SSTR3: variants seen among roughly 807,000 people sequenced by gnomAD.
The protein encoded by SSTR3 is somatostatin receptor 3.
For missense variants in SSTR3, 504 were observed against 604.7 expected, an observed-to-expected ratio of 0.83 and a Z score of 1.75; for synonymous variants, 281 against 269.2, an observed-to-expected ratio of 1.04 and a Z score of -0.43.
chr22:37,212,804 G>A (rs1243550661), upstream of SSTR3, among the ~76,000 whole-genome samples: 1 of 152,172 alleles, frequency 6.6e-6, no homozygotes, highest in African/African-American at 2.4e-5. Flanking sequence ...CAGCCCTGCA[G>A]TCGGGCACAC....
chr22:37,207,123 C>T lies in SSTR3; in HGVS notation c.681G>A (p.Leu227=). ...GPLLVICLCY[L]LIVVKVRSAG... ...CTGAGCGCACCTTCACCACGATGAG[C>T]AGGTAGCAGAGGCAGATGACCAGCA... is the stretch of plus-strand genomic sequence containing the variant. The change falls in exon 2 of 2, where the codon CTG becomes CTA. Residue 227 remains leucine (L), a synonymous_variant. Coordinates refer to ENST00000610913, the MANE Select transcript of SSTR3 (RefSeq NM_001051.5). 1 of 1,612,642 alleles carries T rather than the reference C, an allele frequency of 6.2e-7. No individual in the cohort carries two copies. Among genetic ancestry groups the T allele is most frequent in the East Asian group, 2.2e-5 (1 of 44,872 alleles).
At chr22:37,216,537 C>T (rs1926453962), upstream of SSTR3, among the ~76,000 whole-genome samples, 1 of 152,224 alleles carries the variant, frequency 6.6e-6, no homozygotes, top group South Asian at 2.1e-4. Context: ...TCCACACGTT[C>T]CTATAGCTTC....
At position 37,207,567 on chromosome 22, in the gene SSTR3, G is replaced by A. The variant is rs751200469; in HGVS notation, c.237C>T (p.Thr79=). The change falls in exon 2 of 2, where the codon ACC becomes ACT. Residue 79 remains threonine (T), a synonymous_variant. Transcript: ENST00000610913. ...GCGCCAGGTTGAGGATGTAGACGTT[G>A]GTGACTGAAGGGCTGGCCGTGTGCC... is the stretch of plus-strand genomic sequence containing the variant. ...VLRHTASPSV[T]NVYILNLALA... 6.2e-7 allele frequency: 1 copy of A among 1,613,656 alleles called. No individual in the cohort carries two copies. Among genetic ancestry groups the A allele is most frequent in the Non-Finnish European group, 8.5e-7 (1 of 1,179,894 alleles).
rs760578292 is a variant in SSTR3 at position 37,207,135 on chromosome 22, G to A, written c.669C>T (p.Cys223=). 7.4e-6 allele frequency: 12 copies of A among 1,612,622 alleles called. No homozygotes were observed. Among genetic ancestry groups the A allele is most frequent in the African/African-American group, 2.7e-5 (2 of 75,046 alleles). The stretch of plus-strand genomic sequence containing the variant: ...TCACCACGATGAGCAGGTAGCAGAG[G>A]CAGATGACCAGCAGCGGCCCGAAGA... ...LGFFGPLLVI[C]LCYLLIVVKV... Residue 223 remains cysteine (C), a synonymous_variant, in exon 2 of 2, where the codon TGC becomes TGT. Transcript: ENST00000610913.
At chr22:37,219,463 C>T in the SSTR3 span, among the ~76,000 whole-genome samples, 2 of 152,150 alleles carry the variant, frequency 1.3e-5, no homozygotes, top group Admixed American at 6.5e-5. Context: ...AGGTCCTCTC[C>T]GGAAGCCTTC....
At chr22:37,216,180 C>A (rs909374627), upstream of SSTR3, among the ~76,000 whole-genome samples, 2 of 150,324 alleles carry the variant, frequency 1.3e-5, no homozygotes, top group Admixed American at 1.3e-4. Context: ...AACAGCAGTC[C>A]TCCCCCATCC....
At position 37,207,691 on chromosome 22, in the gene SSTR3, G is replaced by A. The variant is rs372921356; in HGVS notation, c.113C>T (p.Ala38Val). ...CAGAACGCCACTGACGGCCAGCCCT[G>A]CCGGGCTTGGGCCCGCCGACACGTT... ...LGNVSAGPSPAGLAVSGVLIP... is the reference protein window; with the variant it reads ...LGNVSAGPSPVGLAVSGVLIP... The change falls in exon 2 of 2, where the codon GCA (alanine) becomes GTA (valine). Residue 38 changes from alanine (A) to valine (V), a missense_variant. Physicochemically the swap from Ala to Val is moderately conservative, Grantham distance 64. Transcript: ENST00000610913. 7 of 1,562,104 alleles carry A rather than the reference G, an allele frequency of 4.5e-6. No homozygotes were observed. In the African/African-American group the frequency reaches 6.8e-5, roughly 15 times the overall value.
At chr22:37,209,773 T>C (rs1345505773) in intron 1 of SSTR3, among the ~76,000 whole-genome samples, 1 of 152,228 alleles carries the variant, frequency 6.6e-6, no homozygotes, top group Non-Finnish European at 1.5e-5. Flanking sequence ...TTCCACAGGC[T>C]GGCAAACTGA....
intron 1 of SSTR3, among the ~76,000 whole-genome samples, chr22:37,208,331 G>A (rs1925978610): frequency 6.6e-6 from 1 of 152,210 alleles, no homozygotes. Flanking sequence ...CCAGGTGAAG[G>A]TTAATGTCAG....
chr22:37,216,623 T>C (rs1926458785), upstream of SSTR3, among the ~76,000 whole-genome samples: 1 of 152,254 alleles, frequency 6.6e-6, no homozygotes, highest in Non-Finnish European at 1.5e-5. Context: ...GAGCTCCTCT[T>C]ATCTGGGCCA....
rs143709230 is a variant in SSTR3, at chr22:37,210,376, C to G, written c.-37+1449G>C. ...CTGGCAGGAACACGGCGTGCCTAGC[C>G]AGACCCTCCTTTGTACCAGGGCATG... On this transcript the variant is annotated intron_variant, in intron 1 of 1. Transcript: ENST00000610913. 5.2e-3 allele frequency among the ~76,000 whole-genome samples: 790 copies of G among 152,378 alleles called. 15 individuals are homozygous for G. Among genetic ancestry groups the G allele is most frequent in the African/African-American group, 0.017 (727 of 41,590 alleles).
At chr22:37,211,675 C>G (rs920537033) in intron 1 of SSTR3, 150 bp downstream of exon 1, 2 of 799,764 alleles carry the variant, frequency 2.5e-6, no homozygotes, top group East Asian at 2.5e-4. Context: ...TGCAGCCGAC[C>G]GGGAGGTCAC....
upstream of SSTR3, among the ~76,000 whole-genome samples, chr22:37,213,696 G>A (rs774229996): frequency 5.3e-5 from 8 of 152,192 alleles, no homozygotes; most frequent in Non-Finnish European, 7.3e-5. Flanking sequence ...TCCTGGGAGC[G>A]TGTCCTCAGG....
In SSTR3 at chr22:37,207,273, G is replaced by A. The variant is rs375224873; in HGVS notation, c.531C>T (p.Pro177=). ...GGGGCACTCCCGAGAAGACCACCAC[G>A]GGCAGCACCACCACGGCTGAGGCCA... ...VWVASAVVVL[P]VVVFSGVPRG... Residue 177 remains proline (P), a synonymous_variant, in exon 2 of 2, where the codon CCC becomes CCT. Coordinates refer to ENST00000610913, the MANE Select transcript of SSTR3 (RefSeq NM_001051.5). 3.8e-4 allele frequency: 604 copies of A among 1,596,874 alleles called. 2 individuals are homozygous for A. The South Asian group carries it at 5.1e-3, about 14-fold the overall frequency.
At chr22:37,211,069 G>T in intron 1 of SSTR3, 1 of 770,138 alleles carries the variant, frequency 1.3e-6, no homozygotes, top group Non-Finnish European at 1.6e-6. Flanking sequence ...CAGCTGGAGA[G>T]TGGGAAGCCA....
chr22:37,208,092 T>TG (rs969364140), intron 1 of SSTR3, among the ~76,000 whole-genome samples: 1 of 152,130 alleles, frequency 6.6e-6, no homozygotes, highest in African/African-American at 2.4e-5. Flanking sequence ...TTCTCCATCG[T>TG]GGAGTGAGGG....
rs772356909 is a variant in SSTR3, at chr22:37,207,588, G to C, written c.216C>G (p.His72Gln). 6.2e-7 allele frequency: 1 copy of C among 1,612,914 alleles called. No homozygotes were observed. Residue 72 changes from histidine (H) to glutamine (Q), a missense_variant, in exon 2 of 2, where the codon CAC (histidine) becomes CAG (glutamine). His to Gln is a conservative substitution (Grantham distance 24, BLOSUM62 0). Coordinates refer to ENST00000610913, the MANE Select transcript of SSTR3 (RefSeq NM_001051.5). ...NSLVIYVVLR[H>Q]TASPSVTNVY... The stretch of plus-strand genomic sequence containing the variant: ...CGTTGGTGACTGAAGGGCTGGCCGT[G>C]TGCCGCAGGACCACATAGATGACCA...
intron 1 of SSTR3, chr22:37,211,014 AG>A (rs1369413613): frequency 2.0e-6 from 2 of 981,908 alleles, no homozygotes; most frequent in Non-Finnish European, 2.4e-6. Flanking sequence ...TTAGAGAGGA[AG>A]AAGTTGAGGC....
chr22:37,207,787 G>A lies in SSTR3; in HGVS notation c.17C>T (p.Pro6Leu). ...TTCTGAGGTCGTGGACACCGATGAT[G>A]GATGAAGCATGTCCATGGCTGAGGG... Reference protein sequence around the residue: MDMLHPSSVSTTSEPE... With the variant: MDMLHLSSVSTTSEPE... Residue 6 changes from proline (P) to leucine (L), a missense_variant, in exon 2 of 2, where the codon CCA (proline) becomes CTA (leucine). Physicochemically the swap from Pro to Leu is moderately conservative, Grantham distance 98. Transcript: ENST00000610913. The A allele has an allele frequency of 2.0e-6, 3 of 1,510,982 alleles. No individual in the cohort carries two copies. Among genetic ancestry groups the A allele is most frequent in the Non-Finnish European group, 2.7e-6 (3 of 1,129,420 alleles). 93.6% of individuals were successfully genotyped at this position (1,510,982 alleles called of 1,614,324 possible). A position where few individuals can be genotyped will look rare whatever the true frequency, so the allele number is the denominator to read the frequency against.
Sources: gnomAD v4.1 joint callset for allele counts (sites outside exome capture counted in the v4.1 genomes callset) on GRCh38, gnomAD v4.1.1 for gene constraint, MANE v1.5 for transcripts, NCBI Gene and HGNC (gene_info 2026-07-23, HGNC 2026-07-21) for gene names.